NPY2R: variants seen among roughly 807,000 people sequenced by gnomAD.
NPY2R encodes the protein neuropeptide Y receptor Y2.
A neutral mutation model predicts 22.3 loss-of-function variants in NPY2R; 17 were observed. That is an observed-to-expected ratio of 0.76 (90% CI 0.52 to 1.14). The LOEUF is 1.14. Ranked by LOEUF, NPY2R falls within the 50% of genes most tolerant of loss-of-function variation. NPY2R has a pLI of 0.00. For synonymous variants in NPY2R, 209 were observed against 183.4 expected (o/e 1.14, Z -1.13); for missense variants, 424 against 467.9 (o/e 0.91, Z 0.87).
chr4:155,216,333 TTTAA>T lies in NPY2R; in HGVS notation c.*1252_*1255del, dbSNP rs560640370. 3.6e-5 allele frequency: 6 copies of T among 166,700 alleles called. No individual in the cohort carries two copies. Among genetic ancestry groups the T allele is most frequent in the African/African-American group, 1.2e-4 (5 of 41,432 alleles). The allele number at this position is 166,700 out of a possible 1,614,324, so 10.3% of individuals were successfully genotyped here. On this transcript the variant is annotated 3_prime_UTR_variant, in exon 2 of 2. Transcript: ENST00000329476. ...AACATAGATGCTACAGTATTTTTTA[TTTAA>T]TTATATTATGAATAAAATTGTTATT...
At position 155,215,132 on chromosome 4, in the gene NPY2R, T is replaced by C. The variant is rs567240450; in HGVS notation, c.*47T>C. 1 of 1,533,930 alleles carries C rather than the reference T, an allele frequency of 6.5e-7. No individual in the cohort carries two copies. Among genetic ancestry groups the C allele is most frequent in the East Asian group, 2.2e-5 (1 of 44,504 alleles). The stretch of plus-strand genomic sequence containing the variant: ...TATGGATGAATTCTGACCAGAGCTA[T>C]GAATCTGGTTGATGGCGGCTCACAA... On this transcript the variant is annotated 3_prime_UTR_variant, in exon 2 of 2. Transcript: ENST00000329476.
the NPY2R span, among the ~76,000 whole-genome samples, chr4:155,192,421 C>G: frequency 1.3e-5 from 2 of 151,816 alleles, no homozygotes; most frequent in Non-Finnish European, 2.9e-5. Context: ...GGCCTAGTAG[C>G]TTGCTTATGA....
the NPY2R span, among the ~76,000 whole-genome samples, chr4:155,191,034 T>C: frequency 2.0e-5 from 3 of 151,908 alleles, 1 homozygote; most frequent in Admixed American, 2.0e-4. Flanking sequence ...GGAAGAGAGT[T>C]TTGAAGTTAT....
At chr4:155,187,179 G>A in the NPY2R span, among the ~76,000 whole-genome samples, 14 of 152,284 alleles carry the variant, frequency 9.2e-5, no homozygotes, top group South Asian at 1.5e-3. Flanking sequence ...ACTCTCAGCC[G>A]TGGGTAAATT....
At chr4:155,174,682 C>T in the NPY2R span, among the ~76,000 whole-genome samples, 6 of 151,654 alleles carry the variant, frequency 4.0e-5, no homozygotes, top group Admixed American at 2.6e-4. Context: ...TCCCTAATAA[C>T]TCTGAGACAC....
At chr4:155,188,760 T>A in the NPY2R span, among the ~76,000 whole-genome samples, 87 of 151,922 alleles carry the variant, frequency 5.7e-4, 1 homozygote, top group East Asian at 0.014. Context: ...AGCCATCTGA[T>A]CTTTGAAGCT....
chr4:155,192,252 T>C, the NPY2R span, among the ~76,000 whole-genome samples: 1 of 151,956 alleles, frequency 6.6e-6, no homozygotes, highest in Non-Finnish European at 1.5e-5. Context: ...TGATGTAACC[T>C]GTGGTTTTAT....
At chr4:155,203,341 G>A in the NPY2R span, among the ~76,000 whole-genome samples, 2 of 152,064 alleles carry the variant, frequency 1.3e-5, no homozygotes, top group Admixed American at 6.6e-5. Context: ...TGAAGTTCAC[G>A]ATTTGATGAC....
At chr4:155,213,067 G>A (rs1384819767) in intron 1 of NPY2R, among the ~76,000 whole-genome samples, 1 of 152,166 alleles carries the variant, frequency 6.6e-6, no homozygotes, top group Admixed American at 6.5e-5. Flanking sequence ...TTTGTAAGTA[G>A]GAGCTAAGCT....
the NPY2R span, among the ~76,000 whole-genome samples, chr4:155,193,204 A>G: frequency 6.6e-6 from 1 of 151,904 alleles, no homozygotes; most frequent in Non-Finnish European, 1.5e-5. Context: ...ATACGGTCCC[A>G]TCGAATCCTT....
chr4:155,184,024 G>T, the NPY2R span, among the ~76,000 whole-genome samples: 1 of 152,046 alleles, frequency 6.6e-6, no homozygotes, highest in Non-Finnish European at 1.5e-5. Context: ...TCCTGTCTCC[G>T]CTTTAGACTC....
the NPY2R span, among the ~76,000 whole-genome samples, chr4:155,177,265 G>T: frequency 5.3e-5 from 8 of 152,236 alleles, no homozygotes; most frequent in South Asian, 1.7e-3. Flanking sequence ...TTGCTCTTTA[G>T]CTGTTAACCT....
the NPY2R span, among the ~76,000 whole-genome samples, chr4:155,189,579 T>G: frequency 6.6e-6 from 1 of 152,020 alleles, no homozygotes; most frequent in Non-Finnish European, 1.5e-5. Context: ...GTTATGAATC[T>G]TTTAAAGTAG....
At chr4:155,210,411 C>T (rs1444494611) in intron 1 of NPY2R, among the ~76,000 whole-genome samples, 2 of 152,194 alleles carry the variant, frequency 1.3e-5, no homozygotes, top group Non-Finnish European at 2.9e-5. Flanking sequence ...ATCAAGTATA[C>T]TCTTCCTCCT....
the NPY2R span, among the ~76,000 whole-genome samples, chr4:155,186,177 T>C: frequency 6.6e-6 from 1 of 152,314 alleles, no homozygotes; most frequent in African/African-American, 2.4e-5. Context: ...TACAGTTAAT[T>C]AAGAATCTTG....
At chr4:155,189,304 C>T in the NPY2R span, among the ~76,000 whole-genome samples, 2 of 151,972 alleles carry the variant, frequency 1.3e-5, no homozygotes, top group Non-Finnish European at 2.9e-5. Context: ...ACCATTTCAC[C>T]AAAGGCATCC....
the NPY2R span, chr4:155,173,764 G>A: frequency 2.0e-5 from 3 of 151,600 alleles, no homozygotes; most frequent in African/African-American, 7.3e-5. Context: ...CCACAGACAC[G>A]AATTCTCATG....
At chr4:155,193,464 C>T in the NPY2R span, among the ~76,000 whole-genome samples, 2 of 151,860 alleles carry the variant, frequency 1.3e-5, no homozygotes, top group African/African-American at 2.4e-5. Context: ...GAAATAAGGG[C>T]TCGCCTGAGA....
At chr4:155,195,112 T>C in the NPY2R span, among the ~76,000 whole-genome samples, 1 of 152,010 alleles carries the variant, frequency 6.6e-6, no homozygotes, top group East Asian at 1.9e-4. Context: ...CAAATAATTT[T>C]ATCAGTGTAA....
Sources: gnomAD v4.1 joint callset for allele counts (sites outside exome capture counted in the v4.1 genomes callset) on GRCh38, gnomAD v4.1.1 for gene constraint, MANE v1.5 for transcripts, NCBI Gene and HGNC (gene_info 2026-07-23, HGNC 2026-07-21) for gene names.